HPS1: variants seen among roughly 807,000 people sequenced by gnomAD.
The protein encoded by HPS1 is BLOC-3 complex member HPS1.
HPS1 carries 59 observed loss-of-function variants against 90.6 expected under a neutral mutation model. The observed-to-expected ratio is 0.65, with a 90% CI of 0.53 to 0.81. The LOEUF is 0.81. Ranked by LOEUF, HPS1 falls within the 30% of genes least tolerant of loss-of-function variation. The pLI is 0.00. For synonymous variants in HPS1, 388 were observed against 384.4 expected (o/e 1.01, Z -0.11); for missense variants, 849 against 896.7 (o/e 0.95, Z 0.68).
In HPS1 at chr10:98,437,377, T is replaced by C. The variant is rs181673712; in HGVS notation, c.118-1605A>G. Among the ~76,000 whole-genome samples, 5 of 152,364 alleles carry C rather than the reference T, an allele frequency of 3.3e-5. No individual in the cohort carries two copies. The East Asian group carries it at 9.6e-4, about 29-fold the overall frequency. ...ATTTTATTAATAGAGAAGTCACTTA[T>C]GAATCTAGATGTTGATAGAAACTCA... On this transcript the variant is annotated intron_variant, in intron 3 of 19. Transcript: ENST00000361490.
chr10:98,435,728 G>A lies in HPS1; in HGVS notation c.162C>T (p.Val54=). 1 of 1,614,180 alleles carries A rather than the reference G, an allele frequency of 6.2e-7. No homozygotes were observed. Among genetic ancestry groups the A allele is most frequent in the Non-Finnish European group, 8.5e-7 (1 of 1,180,036 alleles). ...EDQLSTLLAP[V]IISSMTMLEK... The stretch of plus-strand genomic sequence containing the variant: ...CCAGCATCGTCATGGAGGAGATGAT[G>A]ACCGGGGCTAGGAGGGTGCTGAGCT... Residue 54 remains valine, a synonymous_variant, in exon 4 of 20, where the codon GTC becomes GTT. Transcript: ENST00000361490. This position sits in a 1 kb window ranked among gnomAD's most constrained non-coding sequence, Gnocchi z 4.3.
intron 3 of HPS1, among the ~76,000 whole-genome samples, chr10:98,440,872 T>C (rs1355515214): frequency 6.6e-6 from 1 of 152,144 alleles, no homozygotes; most frequent in Non-Finnish European, 1.5e-5. Flanking sequence ...GTTGACATAG[T>C]TGTAACAGTA....
chr10:98,446,083 C>G (rs935480321), intron 1 of HPS1, among the ~76,000 whole-genome samples: 1 of 151,802 alleles, frequency 6.6e-6, no homozygotes, highest in Non-Finnish European at 1.5e-5. Flanking sequence ...CGGAATCATT[C>G]ATATTTGAAT....
chr10:98,415,071 C>T (rs753120165), downstream of HPS1: 33 of 1,613,794 alleles, frequency 2.0e-5, no homozygotes, highest in Admixed American at 3.0e-4. Flanking sequence ...CGTGTTATCT[C>T]GTCTCCACGC....
rs773201761 is a variant in HPS1, at chr10:98,434,065, C to G, written c.425G>C (p.Arg142Pro). The G allele has an allele frequency of 1.3e-6, 2 of 1,551,332 alleles. No homozygotes were observed. The highest frequency in any genetic ancestry group is 2.4e-5 in the East Asian group (1 of 41,060). The change falls in exon 6 of 20, where the codon CGT becomes CCT. Residue 142 changes from arginine to proline, a missense_variant. By Grantham distance (103) the Arg-to-Pro change is moderately radical. Coordinates refer to ENST00000361490, the MANE Select transcript of HPS1 (RefSeq NM_000195.5). ...CTGGAAGTGCTCCCACAGCTGGACACGCTGCGCCAGGTCTGGGGGCCGCAG... is the reference window on the plus strand; with the variant it reads ...CTGGAAGTGCTCCCACAGCTGGACAGGCTGCGCCAGGTCTGGGGGCCGCAG... ...KELRPPDLAQ[R>P]VQLWEHFQSL... is the part of the protein sequence containing the mutation.
chr10:98,423,790 G>C lies in HPS1; in HGVS notation c.1495C>G (p.Pro499Ala), dbSNP rs768395318. The change falls in exon 15 of 20, where the codon CCC becomes GCC. Residue 499 changes from proline (P) to alanine (A), a missense_variant. Coordinates refer to ENST00000361490, the MANE Select transcript of HPS1 (RefSeq NM_000195.5). Reference sequence around the variant, plus strand: ...TGCACTTGGTCCTGCAGGTGCTGGGGCAGGTGTGGGCCTCCCCTGCTGGGG... The same window carrying C: ...TGCACTTGGTCCTGCAGGTGCTGGGCCAGGTGTGGGCCTCCCCTGCTGGGG... Reference protein sequence around the residue: ...TAPSRGGPHLPQHLQDQVQRL... With the variant: ...TAPSRGGPHLAQHLQDQVQRL... 1.2e-6 allele frequency: 2 copies of C among 1,613,878 alleles called. No homozygotes were observed. Among genetic ancestry groups the C allele is most frequent in the South Asian group, 2.2e-5 (2 of 91,090 alleles).
chr10:98,440,208 T>C (rs1045229393), intron 3 of HPS1, among the ~76,000 whole-genome samples: 1 of 152,224 alleles, frequency 6.6e-6, no homozygotes, highest in Non-Finnish European at 1.5e-5. Context: ...AGCATACTCA[T>C]ATATTACTTG....
chr10:98,419,933 C>G, intron 18 of HPS1, 112 bp downstream of exon 18: 1 of 833,238 alleles, frequency 1.2e-6, no homozygotes. Flanking sequence ...TTACCAGCAA[C>G]AAGAAGAGAA....
intron 17 of HPS1, among the ~76,000 whole-genome samples, chr10:98,421,587 CAGAAAACCAACAGAA>C (rs1844853539): frequency 6.6e-6 from 1 of 152,140 alleles, no homozygotes; most frequent in East Asian, 1.9e-4. Context: ...ACAAACTGCA[CAGAAAACCAACAGAA>C]AGAAACGTAC....
Position 98,423,848 on chromosome 10 carries a change from G to T in HPS1, c.1437C>A (p.Cys479Ter), listed in dbSNP as rs552340796. 6.2e-7 allele frequency: 1 copy of T among 1,613,836 alleles called. No individual in the cohort carries two copies. Among genetic ancestry groups the T allele is most frequent in the Non-Finnish European group, 8.5e-7 (1 of 1,180,022 alleles). The change falls in exon 15 of 20, where the codon TGC becomes TGA. Residue 479 changes from cysteine to a stop codon, truncating the protein, a stop_gained. Transcript: ENST00000361490. LOFTEE classifies it high-confidence loss of function. The stretch of plus-strand genomic sequence containing the variant: ...TCAGAAAGTTCAGCCGGTAGATGGC[G>T]CAGAGCTGCCGCTTCAGCTTCCCAC... ...QACGKLKRQL[C>*]AIYRLNFLTT...
At chr10:98,424,613 C>T (rs531874111) in intron 13 of HPS1, among the ~76,000 whole-genome samples, 23 of 152,102 alleles carry the variant, frequency 1.5e-4, no homozygotes, top group Admixed American at 7.2e-4. Flanking sequence ...CGCTGTCTGA[C>T]GGGCACAGGC....
At position 98,442,010 on chromosome 10, in the gene HPS1, T is replaced by C. The variant is rs566698756; in HGVS notation, c.117+1114A>G. ...GGACATGAAAGCATCCATGTATACA[T>C]AGACTTGTACGTGCATGTTCATAGT... On this transcript the variant is annotated intron_variant, in intron 3 of 19. Coordinates refer to ENST00000361490, the MANE Select transcript of HPS1 (RefSeq NM_000195.5). Among the ~76,000 whole-genome samples the C allele has an allele frequency of 2.4e-4, 36 of 152,374 alleles. No homozygotes were observed. The East Asian group carries it at 3.7e-3, about 15-fold the overall frequency.
At chr10:98,423,289 C>CCG (rs1564833920) in intron 16 of HPS1, among the ~76,000 whole-genome samples, 14 of 151,432 alleles carry the variant, frequency 9.2e-5, no homozygotes, top group Non-Finnish European at 1.6e-4. Context: ...ACCCCCCCCC[C>CCG]GGTCCCCACC....
In HPS1 at chr10:98,425,698, A is replaced by G; in HGVS notation, c.1178T>C (p.Leu393Pro). ...LTRSPSAPLA[L>P]VLSQLMDGFS... Reference sequence around the variant, plus strand: ...GCCATCCATCAGCTGGGACAGAACCAGGGCCAGGGGCGCGCTGGGGCTCTG... The same window carrying G: ...GCCATCCATCAGCTGGGACAGAACCGGGGCCAGGGGCGCGCTGGGGCTCTG... The change falls in exon 13 of 20, where the codon CTG becomes CCG. Residue 393 changes from leucine to proline, a missense_variant. Transcript: ENST00000361490. 2 of 1,612,306 alleles carry G rather than the reference A, an allele frequency of 1.2e-6. No individual in the cohort carries two copies. Among genetic ancestry groups the G allele is most frequent in the Non-Finnish European group, 1.7e-6 (2 of 1,179,010 alleles).
At chr10:98,437,196 G>A (rs949196584) in intron 3 of HPS1, among the ~76,000 whole-genome samples, 4 of 152,074 alleles carry the variant, frequency 2.6e-5, no homozygotes, top group Non-Finnish European at 5.9e-5. Context: ...GGATCATGTT[G>A]CTACGTTTAC....
At chr10:98,422,015 C>CACACACACACACGT (rs1399919600) in intron 17 of HPS1, among the ~76,000 whole-genome samples, 1 of 150,024 alleles carries the variant, frequency 6.7e-6, no homozygotes, top group Non-Finnish European at 1.5e-5. Flanking sequence ...CACACACACA[C>CACACACACACACGT]GTATAGTTTT....
In HPS1 at chr10:98,429,806, C is replaced by A. The variant is rs1158982678; in HGVS notation, c.852G>T (p.Gly284=). 1 of 1,613,326 alleles carries A rather than the reference C, an allele frequency of 6.2e-7. No individual in the cohort carries two copies. Among genetic ancestry groups the A allele is most frequent in the Non-Finnish European group, 8.5e-7 (1 of 1,179,770 alleles). The change falls in exon 9 of 20, where the codon GGG becomes GGT. Residue 284 remains glycine, a synonymous_variant. Transcript: ENST00000361490. The stretch of plus-strand genomic sequence containing the variant: ...CAGCACACACCGTCTCTGCAGAGCT[C>A]CCCCCAGTTGGGCCCGTGGAGTGAG... ...WSPHSTGPTG[G]SSAETETDSF...
At position 98,416,307 on chromosome 10, in the gene HPS1, G is replaced by A. The variant is rs867370718; in HGVS notation, c.*1257C>T. On this transcript the variant is annotated 3_prime_UTR_variant, in exon 20 of 20. Transcript: ENST00000361490. Reference sequence around the variant, plus strand: ...CGCTGCTAAAAACTAAAGGGAAATAGTAGGTGACAAAAGCAGGGGTCCTGA... The same window carrying A: ...CGCTGCTAAAAACTAAAGGGAAATAATAGGTGACAAAAGCAGGGGTCCTGA... The A allele has an allele frequency of 6.6e-6, 1 of 152,406 alleles. No homozygotes were observed. Among genetic ancestry groups the A allele is most frequent in the Admixed American group, 6.5e-5 (1 of 15,288 alleles). The allele number at this position is 152,406 out of a possible 1,614,324, so 9.4% of individuals were successfully genotyped here. A position where few individuals can be genotyped will look rare whatever the true frequency, so the allele number is the denominator to read the frequency against.
Position 98,423,603 on chromosome 10 carries a change from G to T in HPS1, c.1598C>A (p.Ser533Tyr). The T allele has an allele frequency of 6.2e-7, 1 of 1,613,834 alleles. No individual in the cohort carries two copies. The highest frequency in any genetic ancestry group is 1.1e-5 in the South Asian group (1 of 91,070). Reference sequence around the variant, plus strand: ...GGCTGGGGCCCCGGCGTCAGGATATGACACCATGGTGATGTTCCTCCTGCT... The same window carrying T: ...GGCTGGGGCCCCGGCGTCAGGATATTACACCATGGTGATGTTCCTCCTGCT... ...VKSRRNITMV[S>Y]YLEDFPGLVH... is the part of the protein sequence containing the mutation. The change falls in exon 16 of 20, where the codon TCC becomes TAC. Residue 533 changes from serine to tyrosine, a missense_variant and splice_region_variant. Ser to Tyr is a moderately radical substitution (Grantham distance 144). Coordinates refer to ENST00000361490, the MANE Select transcript of HPS1 (RefSeq NM_000195.5).
Sources: allele counts gnomAD v4.1 joint callset (sites outside exome capture counted in the v4.1 genomes callset), GRCh38; gene constraint gnomAD v4.1.1; non-coding constraint Gnocchi (gnomAD v3.1); transcripts MANE v1.5; gene names NCBI Gene and HGNC (gene_info 2026-07-23, HGNC 2026-07-21).